Variants in OTC observed in about 807,000 individuals in gnomAD.
OTC encodes the protein ornithine transcarbamylase, mitochondrial.
In OTC, 3 loss-of-function variants were observed where a neutral mutation model predicts 30.3. That is an observed-to-expected ratio of 0.10 (90% confidence interval 0.05 to 0.26). OTC has a LOEUF of 0.26. Ranked by LOEUF, OTC falls within the 10% of genes least tolerant of loss-of-function variation. The pLI is 1.00. For missense variants in OTC, 194 were observed against 260.3 expected (o/e 0.75, Z 1.75); for synonymous variants, 111 against 99.7 (o/e 1.11, Z -0.67).
the OTC span, among the ~76,000 whole-genome samples, chrX:38,340,818 A>C: frequency 9.2e-6 from 1 of 108,532 alleles, no homozygotes; most frequent in Non-Finnish European, 1.9e-5. Flanking sequence ...CTTTTTTGAG[A>C]CAGTGTCTTG....
intron 3 of OTC, among the ~76,000 whole-genome samples, chrX:38,372,148 T>C (rs2068325857): frequency 8.9e-6 from 1 of 112,207 alleles, no homozygotes; most frequent in African/African-American, 3.2e-5. Context: ...AATAAATGAT[T>C]GGTTTCACCA....
chrX:38,344,286 G>GA, the OTC span, among the ~76,000 whole-genome samples: 3 of 109,242 alleles, frequency 2.7e-5, no homozygotes, highest in African/African-American at 1.0e-4. Flanking sequence ...CACGTGGAGA[G>GA]AAAAAAAGGA....
the OTC span, among the ~76,000 whole-genome samples, chrX:38,345,796 C>T: frequency 9.0e-6 from 1 of 111,018 alleles, no homozygotes; most frequent in South Asian, 3.8e-4. Context: ...CCACCTTGGC[C>T]TCCCAAAGTG....
chrX:38,419,875 A>G (rs1432767795), intron 9 of OTC, among the ~76,000 whole-genome samples: 1 of 111,230 alleles, frequency 9.0e-6, no homozygotes, highest in Non-Finnish European at 1.9e-5. Context: ...AAGGAAGGCA[A>G]TGGGGAGTTG....
At chrX:38,371,334 G>A (rs1362581405) in intron 3 of OTC, among the ~76,000 whole-genome samples, 6 of 110,949 alleles carry the variant, frequency 5.4e-5, no homozygotes, top group African/African-American at 6.6e-5. Context: ...TTTGAAACTC[G>A]TAAGCCACAA....
intron 9 of OTC, among the ~76,000 whole-genome samples, chrX:38,414,351 A>G (rs754001915): frequency 1.8e-5 from 2 of 112,207 alleles, no homozygotes; most frequent in Admixed American, 9.5e-5. Flanking sequence ...TGAAATATTT[A>G]TGGTGAAATC....
chrX:38,366,523 A>G (rs1431154869), intron 1 of OTC, among the ~76,000 whole-genome samples: 2 of 111,985 alleles, frequency 1.8e-5, no homozygotes, highest in Non-Finnish European at 3.8e-5. Context: ...TGTACAGCCC[A>G]ATGATTTTAA....
chrX:38,379,018 G>C (rs913204866), intron 3 of OTC, among the ~76,000 whole-genome samples: 1 of 111,489 alleles, frequency 9.0e-6, no homozygotes, highest in South Asian at 3.8e-4. Context: ...AGCTTTCCCA[G>C]ATGTAGGGCT....
chrX:38,375,376 T>A (rs1388174140), intron 3 of OTC, among the ~76,000 whole-genome samples: 1 of 111,778 alleles, frequency 8.9e-6, no homozygotes, highest in Admixed American at 9.5e-5. Flanking sequence ...TTTAAAAGGA[T>A]CCCTCTGACT....
intron 2 of OTC, among the ~76,000 whole-genome samples, chrX:38,368,470 C>T (rs933521232): frequency 9.1e-6 from 1 of 110,369 alleles, no homozygotes; most frequent in Non-Finnish European, 1.9e-5. Flanking sequence ...GATGTGACAG[C>T]GTTTTAAAAA....
intron 4 of OTC, 103 bp from the exon 5 acceptor site, chrX:38,401,172 A>G (rs2068483261): frequency 1.6e-6 from 1 of 644,522 alleles, no homozygotes; most frequent in African/African-American, 2.2e-5. Context: ...TGTAGTAAAA[A>G]TTCTATTTAT....
intron 1 of OTC, among the ~76,000 whole-genome samples, chrX:38,366,181 A>G (rs901120051): frequency 1.1e-4 from 12 of 112,085 alleles, no homozygotes; most frequent in African/African-American, 3.9e-4. Flanking sequence ...ACGAGGAAAT[A>G]GCACATTGGC....
intron 4 of OTC, among the ~76,000 whole-genome samples, chrX:38,393,877 C>T (rs2068441286): frequency 8.9e-6 from 1 of 111,824 alleles, no homozygotes; most frequent in African/African-American, 3.2e-5. Flanking sequence ...ATTCCTTGTC[C>T]ATTCCAGCTT....
At chrX:38,364,182 C>T (rs5917578) in intron 1 of OTC, among the ~76,000 whole-genome samples, 26,109 of 110,704 alleles carry the variant, frequency 0.24, 2,492 homozygotes, top group Middle Eastern at 0.3. Flanking sequence ...TAGTCTAAAC[C>T]TTTTAAATTT....
At chrX:38,404,708 A>G (rs2068507503) in intron 6 of OTC, among the ~76,000 whole-genome samples, 2 of 100,101 alleles carry the variant, frequency 2.0e-5, no homozygotes, top group Non-Finnish European at 3.8e-5. Flanking sequence ...GCCAAGGGAG[A>G]TCCCTAAGGG....
At chrX:38,397,772 C>T (rs1033801637) in intron 4 of OTC, among the ~76,000 whole-genome samples, 7 of 111,533 alleles carry the variant, frequency 6.3e-5, no homozygotes, top group African/African-American at 9.8e-5. Context: ...TCCTCTCTCA[C>T]TCCGTTTTCT....
At chrX:38,349,820 A>T (rs1440279711), upstream of OTC, among the ~76,000 whole-genome samples, 1 of 111,997 alleles carries the variant, frequency 8.9e-6, no homozygotes, top group Non-Finnish European at 1.9e-5. Context: ...TGCCAAGGGG[A>T]TATAAACAAG....
At chrX:38,329,167 A>G in the OTC span, among the ~76,000 whole-genome samples, 4 of 111,902 alleles carry the variant, frequency 3.6e-5, no homozygotes, top group African/African-American at 9.7e-5. Context: ...CCCTACTCCA[A>G]GGTTTCCAAC....
At chrX:38,344,314 T>A in the OTC span, among the ~76,000 whole-genome samples, 6 of 109,565 alleles carry the variant, frequency 5.5e-5, no homozygotes, top group African/African-American at 2.0e-4. Context: ...AATGGGTGAT[T>A]TCCTTTACTA....
Sources: allele counts gnomAD v4.1 joint callset (sites outside exome capture counted in the v4.1 genomes callset), GRCh38; gene constraint gnomAD v4.1.1; transcripts MANE v1.5; gene names NCBI Gene and HGNC (gene_info 2026-07-23, HGNC 2026-07-21).